Variants in DENND5A observed in about 807,000 individuals in gnomAD.
The protein encoded by DENND5A is DENN domain-containing protein 5A.
Under a neutral mutation model 140.3 loss-of-function variants are expected in DENND5A, and 64 were observed. The observed-to-expected ratio is 0.46, with a 90% CI of 0.37 to 0.56. The LOEUF (loss-of-function observed/expected upper bound fraction) is 0.56, where lower values mean the gene tolerates loss of function less well. DENND5A is among the 20% of genes least tolerant of loss of function. The pLI is 0.00. For missense variants in DENND5A, 1,292 were observed against 1,593.8 expected (o/e 0.81, Z 3.22); for synonymous variants, 605 against 607.7 (o/e 1.00, Z 0.07).
intron 1 of DENND5A, among the ~76,000 whole-genome samples, chr11:9,222,614 T>C (rs1270823338): frequency 3.3e-5 from 5 of 152,286 alleles, no homozygotes; most frequent in African/African-American, 1.2e-4. Flanking sequence ...GATCAGAGAA[T>C]AGGGATAAAT....
At position 9,233,765 on chromosome 11, in the gene DENND5A, G is replaced by A. The variant is rs184833455; in HGVS notation, c.110-26133C>T. Among the ~76,000 whole-genome samples, 315 of 152,314 alleles carry A rather than the reference G, an allele frequency of 2.1e-3. 2 individuals are homozygous for A. Among genetic ancestry groups the A allele is most frequent in the Admixed American group, 3.4e-3 (52 of 15,278 alleles). Reference sequence around the variant, plus strand: ...GGAATTATTCTCCCCAAGAGCCTCTGAGGGGGTGTGCCCTGCTGACACCCT... The same window carrying A: ...GGAATTATTCTCCCCAAGAGCCTCTAAGGGGGTGTGCCCTGCTGACACCCT... On this transcript the variant is annotated intron_variant, in intron 1 of 22. Transcript: ENST00000328194.
intron 15 of DENND5A, among the ~76,000 whole-genome samples, 181 bp downstream of exon 15, chr11:9,149,900 G>A (rs372101565): frequency 2.6e-5 from 4 of 152,132 alleles, no homozygotes; most frequent in Non-Finnish European, 4.4e-5. Flanking sequence ...CCAATATAGC[G>A]GAAGTATTCT....
At chr11:9,220,713 C>A (rs1166960101) in intron 1 of DENND5A, among the ~76,000 whole-genome samples, 1 of 150,900 alleles carries the variant, frequency 6.6e-6, no homozygotes, top group Non-Finnish European at 1.5e-5. Flanking sequence ...GCTAACATGG[C>A]AAAACCCAGT....
At chr11:9,142,519 A>G (rs1204623232) in intron 21 of DENND5A, among the ~76,000 whole-genome samples, 2 of 152,172 alleles carry the variant, frequency 1.3e-5, no homozygotes, top group East Asian at 3.9e-4. Context: ...TTTCTGTGCA[A>G]TTCTCAAGAG....
intron 1 of DENND5A, among the ~76,000 whole-genome samples, chr11:9,214,574 G>A (rs910480732): frequency 6.6e-6 from 1 of 152,162 alleles, no homozygotes; most frequent in African/African-American, 2.4e-5. Context: ...AAGAAAAGAA[G>A]GTAACTGTTC....
chr11:9,265,044 C>A lies in DENND5A; in HGVS notation c.26G>T (p.Gly9Val), dbSNP rs564829495. MSGGGGGG[G>V]SAPSRFADYF... The stretch of plus-strand genomic sequence containing the variant: ...GTCGGCGAAGCGACTGGGCGCCGAG[C>A]CCCCTCCGCCGCCGCCGCCACTCAT... The change falls in exon 1 of 23, where the codon GGC becomes GTC. Residue 9 changes from glycine to valine, a missense_variant. Physicochemically the swap from Gly to Val is moderately radical, Grantham distance 109. Transcript: ENST00000328194. This position sits in a 1 kb window ranked among gnomAD's most constrained non-coding sequence, Gnocchi z 4.7. 1 of 1,556,308 alleles carries A rather than the reference C, an allele frequency of 6.4e-7. No individual in the cohort carries two copies. The highest frequency in any genetic ancestry group is 8.7e-7 in the Non-Finnish European group (1 of 1,154,532).
At chr11:9,160,296 C>T (rs968441470) in intron 12 of DENND5A, among the ~76,000 whole-genome samples, 7 of 152,184 alleles carry the variant, frequency 4.6e-5, no homozygotes, top group African/African-American at 1.7e-4. Flanking sequence ...TTTAGTTAAA[C>T]CATCTGCATA....
chr11:9,142,026 G>A lies in DENND5A; in HGVS notation c.3594C>T (p.Phe1198=), dbSNP rs1381651195. ...EENWHTRARN[F]CRFVTAINNT... is the part of the protein sequence containing the mutation. ...TGTTGATTGCAGTGACAAATCGGCA[G>A]AAGTTCCGGGCTCTTGTATGCCAGT... The change falls in exon 22 of 23, where the codon TTC becomes TTT. Residue 1198 remains phenylalanine (F), a synonymous_variant. Transcript: ENST00000328194. 6.2e-7 allele frequency: 1 copy of A among 1,606,422 alleles called. No individual in the cohort carries two copies. The highest frequency in any genetic ancestry group is 1.7e-5 in the Admixed American group (1 of 58,896).
intron 1 of DENND5A, among the ~76,000 whole-genome samples, chr11:9,221,471 T>C (rs925978055): frequency 1.3e-4 from 19 of 151,970 alleles, no homozygotes; most frequent in African/African-American, 4.3e-4. Context: ...AAACACTGAA[T>C]AGGTCCCAAC....
chr11:9,173,056 C>T (rs1236543509), intron 8 of DENND5A, among the ~76,000 whole-genome samples: 1 of 151,772 alleles, frequency 6.6e-6, no homozygotes, highest in Non-Finnish European at 1.5e-5. Context: ...AAACTCCTGA[C>T]CTCAAGTGTT....
rs559654689 is a variant in DENND5A at position 9,192,767 on chromosome 11, A to C, written c.1137+727T>G. On this transcript the variant is annotated intron_variant, in intron 5 of 22. Coordinates refer to ENST00000328194, the MANE Select transcript of DENND5A (RefSeq NM_015213.4). The stretch of plus-strand genomic sequence containing the variant: ...CCCAGGCCTTTCTAATGACTAAGAA[A>C]TTCAAAGTAGGAAAGCACTTCCCTG... Among the ~76,000 whole-genome samples, 198 of 152,372 alleles carry C rather than the reference A, an allele frequency of 1.3e-3. 1 individual carries two copies. Among genetic ancestry groups the C allele is most frequent in the Non-Finnish European group, 2.3e-3 (158 of 68,038 alleles).
intron 22 of DENND5A, 53 bp downstream of exon 22, chr11:9,141,887 A>G: frequency 6.7e-7 from 1 of 1,494,400 alleles, no homozygotes; most frequent in Non-Finnish European, 9.0e-7. Context: ...CAGGCCTCCA[A>G]CACCACCACC....
chr11:9,183,389 T>C (rs1044571313), intron 5 of DENND5A, among the ~76,000 whole-genome samples: 3 of 152,196 alleles, frequency 2.0e-5, no homozygotes, highest in Non-Finnish European at 4.4e-5. Flanking sequence ...TATATATGTA[T>C]GTATGCCTTT....
intron 1 of DENND5A, among the ~76,000 whole-genome samples, chr11:9,230,230 CTTTTTTTTTTTTTTTTT>C (rs71062817): frequency 1.9e-5 from 1 of 52,060 alleles, no homozygotes; most frequent in Non-Finnish European, 3.2e-5. Flanking sequence ...AAAACTAATG[CTTTTTTTTTTTTTTTTT>C]TTTTTTTTTT....
Position 9,225,530 on chromosome 11 carries a change from C to G in DENND5A, c.110-17898G>C, listed in dbSNP as rs138198554. 4.9e-3 allele frequency among the ~76,000 whole-genome samples: 739 copies of G among 152,222 alleles called. 2 individuals carry two copies. Among genetic ancestry groups the G allele is most frequent in the Non-Finnish European group, 6.2e-3 (419 of 68,028 alleles). On this transcript the variant is annotated intron_variant, in intron 1 of 22. Transcript: ENST00000328194. ...AATCCCAATGCTTGGGAGGCTGAAG[C>G]CAGCCGATCACTTGTGGTCAGGATT...
rs367566830 is a variant in DENND5A at position 9,178,285 on chromosome 11, T to C, written c.1753A>G (p.Ile585Val). The change falls in exon 8 of 23, where the codon ATT becomes GTT. Residue 585 changes from isoleucine (I) to valine (V), a missense_variant. By Grantham distance (29) the Ile-to-Val change is conservative. This residue lies in a region of DENND5A where 199 missense variants were observed against 189.1 expected (regional missense o/e 1.05). Coordinates refer to ENST00000328194, the MANE Select transcript of DENND5A (RefSeq NM_015213.4). ...FLETQMFASF[I>V]DNKIMCHDDD... ...TCATGACACATTATTTTGTTGTCAA[T>C]GAAAGATGCAAACATCTGGGTCTCC... The C allele has an allele frequency of 1.1e-5, 17 of 1,613,888 alleles. No homozygotes were observed. Among genetic ancestry groups the C allele is most frequent in the Admixed American group, 1.7e-5 (1 of 59,994 alleles).
intron 9 of DENND5A, chr11:9,170,207 T>A: frequency 2.3e-6 from 2 of 876,220 alleles, no homozygotes; most frequent in Non-Finnish European, 2.7e-6. Flanking sequence ...TAAAACTATA[T>A]TCACTTAACT....
At chr11:9,241,169 G>A (rs770928190) in intron 1 of DENND5A, among the ~76,000 whole-genome samples, 2 of 152,152 alleles carry the variant, frequency 1.3e-5, no homozygotes, top group Non-Finnish European at 2.9e-5. Flanking sequence ...AAGCTCTACA[G>A]TTATTCGGGT....
intron 1 of DENND5A, among the ~76,000 whole-genome samples, chr11:9,218,187 A>G (rs1023394690): frequency 1.3e-5 from 2 of 152,144 alleles, no homozygotes; most frequent in Non-Finnish European, 2.9e-5. Context: ...TGAGCTCAGG[A>G]GGCAGAGGCT....
Sources: allele counts gnomAD v4.1 joint callset (sites outside exome capture counted in the v4.1 genomes callset), GRCh38; gene constraint gnomAD v4.1.1; regional missense constraint gnomAD v4.1.1; non-coding constraint Gnocchi (gnomAD v3.1); transcripts MANE v1.5; gene names NCBI Gene and HGNC (gene_info 2026-07-23, HGNC 2026-07-21).